Variants in ERBB4 observed in about 807,000 individuals in gnomAD.
ERBB4 encodes erb-b2 receptor tyrosine kinase 4, also known as receptor tyrosine-protein kinase erbB-4.
Under a neutral mutation model 158.0 loss-of-function variants are expected in ERBB4, and 42 were observed. The ratio of observed to expected loss-of-function variants is 0.27; its 90% CI spans 0.21 to 0.34. ERBB4 has a LOEUF of 0.34. Among genes scored for constraint, ERBB4 ranks in the 10% least tolerant of loss-of-function variants. The pLI, the probability that ERBB4 is intolerant of heterozygous loss-of-function variation, is 1.00. For synonymous variants in ERBB4, 583 were observed against 558.7 expected (o/e 1.04, Z -0.61); for missense variants, 1,333 against 1,624.1 (o/e 0.82, Z 3.08).
chr2:211,749,429 C>T (rs1379191013), intron 5 of ERBB4, among the ~76,000 whole-genome samples: 1 of 152,074 alleles, frequency 6.6e-6, no homozygotes, highest in African/African-American at 2.4e-5. Flanking sequence ...CTTGGGTATG[C>T]ATAAATTATT....
At chr2:212,303,662 A>C (rs190134996) in intron 1 of ERBB4, among the ~76,000 whole-genome samples, 1 of 151,722 alleles carries the variant, frequency 6.6e-6, no homozygotes, top group East Asian at 2.0e-4. Context: ...TCCCAAAAGT[A>C]TAGTTAGTTT....
chr2:212,375,484 T>C (rs1237339365), intron 1 of ERBB4, among the ~76,000 whole-genome samples: 1 of 152,084 alleles, frequency 6.6e-6, no homozygotes. Context: ...CACTTATGTG[T>C]GTGGTTCGTG....
chr2:212,437,743 C>T (rs772074968), intron 1 of ERBB4, among the ~76,000 whole-genome samples: 47 of 152,080 alleles, frequency 3.1e-4, no homozygotes, highest in Admixed American at 2.6e-4. Flanking sequence ...CTTAGAAACA[C>T]TGTACTGTCT....
Position 211,378,681 on chromosome 2 carries a change from G to A in ERBB4, c.*4934C>T, listed in dbSNP as rs1240580449. On this transcript the variant is annotated 3_prime_UTR_variant, in exon 28 of 28. Coordinates refer to ENST00000342788, the MANE Select transcript of ERBB4 (RefSeq NM_005235.3). ...TAATAATGAGGTCTCCACTGATAATGATCTTTTAAAATTATGCCTGATCTC... is the reference window on the plus strand; with the variant it reads ...TAATAATGAGGTCTCCACTGATAATAATCTTTTAAAATTATGCCTGATCTC... 1.3e-5 allele frequency: 3 copies of A among 232,202 alleles called. No homozygotes were observed. Among genetic ancestry groups the A allele is most frequent in the South Asian group, 1.8e-4 (1 of 5,516 alleles). 14.4% of individuals were successfully genotyped at this position (232,202 alleles called of 1,614,324 possible).
intron 3 of ERBB4, among the ~76,000 whole-genome samples, chr2:211,871,545 AC>A (rs139746940): frequency 0.029 from 4,385 of 151,364 alleles, 68 homozygotes; most frequent in African/African-American, 0.04. Context: ...GGTCATTCAG[AC>A]TTTATTGTGG....
chr2:211,760,263 T>C (rs1432056049), intron 4 of ERBB4, among the ~76,000 whole-genome samples: 1 of 152,250 alleles, frequency 6.6e-6, no homozygotes, highest in Non-Finnish European at 1.5e-5. Context: ...GATAAAAGTA[T>C]GATGTGCTAA....
intron 19 of ERBB4, among the ~76,000 whole-genome samples, chr2:211,606,297 T>A: frequency 6.6e-6 from 1 of 152,084 alleles, no homozygotes; most frequent in East Asian, 1.9e-4. Context: ...TGTTATTTCC[T>A]TAATAGTTAC....
chr2:212,318,151 T>G (rs1197987995), intron 1 of ERBB4, among the ~76,000 whole-genome samples: 2 of 151,546 alleles, frequency 1.3e-5, no homozygotes, highest in African/African-American at 4.8e-5. Flanking sequence ...TTATATAAAT[T>G]GCCAAGAGTC....
intron 25 of ERBB4, among the ~76,000 whole-genome samples, chr2:211,403,612 T>C (rs146575664): frequency 2.3e-3 from 354 of 152,220 alleles, no homozygotes; most frequent in African/African-American, 8.2e-3. Flanking sequence ...TTAACTACCA[T>C]ATAGCTGCTT....
At chr2:211,794,940 ACTATTT>A (rs1371908225) in intron 3 of ERBB4, among the ~76,000 whole-genome samples, 1 of 151,880 alleles carries the variant, frequency 6.6e-6, no homozygotes, top group Non-Finnish European at 1.5e-5. Flanking sequence ...GAAATTTATT[ACTATTT>A]CCTTTATTTC....
At chr2:211,954,127 C>T (rs866051051) in intron 2 of ERBB4, among the ~76,000 whole-genome samples, 1 of 151,814 alleles carries the variant, frequency 6.6e-6, no homozygotes, top group Non-Finnish European at 1.5e-5. Flanking sequence ...GATATAAATC[C>T]CTAATTCTTT....
intron 14 of ERBB4, among the ~76,000 whole-genome samples, chr2:211,668,515 T>A (rs1165164181): frequency 6.6e-6 from 1 of 152,182 alleles, no homozygotes; most frequent in Non-Finnish European, 1.5e-5. Flanking sequence ...TCCTTATCCC[T>A]ATTTCTAAAC....
intron 15 of ERBB4, among the ~76,000 whole-genome samples, chr2:211,659,779 T>C (rs1441966488): frequency 2.0e-5 from 3 of 152,098 alleles, no homozygotes; most frequent in Admixed American, 1.3e-4. Context: ...GAATTAGACA[T>C]TTTTCTGTTC....
intron 1 of ERBB4, among the ~76,000 whole-genome samples, chr2:212,422,098 T>A (rs1292760391): frequency 6.6e-6 from 1 of 152,170 alleles, no homozygotes; most frequent in Non-Finnish European, 1.5e-5. Flanking sequence ...AGATTTAGAA[T>A]CTTGTAATAT....
chr2:211,912,183 T>A (rs997812800), intron 3 of ERBB4, among the ~76,000 whole-genome samples: 1 of 152,120 alleles, frequency 6.6e-6, no homozygotes, highest in Middle Eastern at 3.2e-3. Context: ...TAGTGAATGT[T>A]AGAAGAGAAA....
chr2:211,568,399 T>C (rs908159871), intron 19 of ERBB4, among the ~76,000 whole-genome samples: 1 of 152,120 alleles, frequency 6.6e-6, no homozygotes, highest in African/African-American at 2.4e-5. Flanking sequence ...TTTTGTACAA[T>C]AATAAGTGAG....
intron 1 of ERBB4, among the ~76,000 whole-genome samples, chr2:212,165,239 A>C (rs2081312952): frequency 6.6e-6 from 1 of 151,802 alleles, no homozygotes; most frequent in South Asian, 2.1e-4. Context: ...TTCTTTCTTT[A>C]CTTAGAGTTT....
intron 1 of ERBB4, among the ~76,000 whole-genome samples, chr2:212,362,075 T>C (rs560728451): frequency 3.4e-4 from 51 of 151,700 alleles, no homozygotes; most frequent in African/African-American, 1.2e-3. Context: ...AATTGTATAA[T>C]TGAAACTTTC....
At chr2:211,621,962 T>C (rs1464215443) in intron 18 of ERBB4, among the ~76,000 whole-genome samples, 1 of 152,162 alleles carries the variant, frequency 6.6e-6, no homozygotes, top group African/African-American at 2.4e-5. Context: ...TAGCATTTAC[T>C]AGATAATTCA....
Sources: allele counts gnomAD v4.1 joint callset (sites outside exome capture counted in the v4.1 genomes callset), GRCh38; gene constraint gnomAD v4.1.1; transcripts MANE v1.5; gene names NCBI Gene and HGNC (gene_info 2026-07-23, HGNC 2026-07-21).